TLL1: variants seen among roughly 807,000 people sequenced by gnomAD.
TLL1 encodes tolloid-like protein 1.
Under a neutral mutation model 128.2 loss-of-function variants are expected in TLL1, and 49 were observed. That is an observed-to-expected ratio of 0.38 (90% CI 0.30 to 0.48). The LOEUF is 0.48. Ranked by LOEUF, TLL1 falls within the 20% of genes least tolerant of loss-of-function variation. TLL1 has a pLI of 0.96. For synonymous variants in TLL1, 454 were observed against 418.8 expected, an observed-to-expected ratio of 1.08 and a Z score of -1.03; for missense variants, 1,123 against 1,242.0, an observed-to-expected ratio of 0.90 and a Z score of 1.44.
intron 19 of TLL1, among the ~76,000 whole-genome samples, chr4:166,098,100 A>G (rs1198945713): frequency 2.6e-5 from 4 of 151,942 alleles, no homozygotes; most frequent in African/African-American, 9.7e-5. Context: ...TTGGGAGGCT[A>G]AGGCAGGTGG....
At chr4:166,005,683 A>G (rs933062646) in intron 6 of TLL1, among the ~76,000 whole-genome samples, 1 of 151,980 alleles carries the variant, frequency 6.6e-6, no homozygotes, top group Non-Finnish European at 1.5e-5. Context: ...AATTATTTCA[A>G]CTACCACATA....
chr4:165,974,133 CTTTTTTTT>C (rs199741025), intron 1 of TLL1, among the ~76,000 whole-genome samples: 7 of 60,750 alleles, frequency 1.2e-4, no homozygotes, highest in Admixed American at 2.8e-4. Context: ...TGGACCTCAT[CTTTTTTTT>C]TTTTTTTTTT....
At chr4:165,897,662 C>CTTTTTTTTTTTTTTTTTTTTTTTTTTT (rs951819686) in intron 1 of TLL1, among the ~76,000 whole-genome samples, 8 of 47,544 alleles carry the variant, frequency 1.7e-4, no homozygotes, top group East Asian at 7.9e-4. Flanking sequence ...GGTAGTCCAG[C>CTTTTTTTTTTTTTTTTTTTTTTTTTTT]TTTTTTTTTT....
intron 7 of TLL1, among the ~76,000 whole-genome samples, chr4:166,009,738 A>G (rs57277668): frequency 0.19 from 29,122 of 151,246 alleles, 3,150 homozygotes; most frequent in East Asian, 0.38. Context: ...TTATATTTAA[A>G]TGATTTTCAG....
chr4:165,921,865 T>A (rs941239045), intron 1 of TLL1, among the ~76,000 whole-genome samples: 1 of 152,178 alleles, frequency 6.6e-6, no homozygotes, highest in Non-Finnish European at 1.5e-5. Context: ...CATCACTGCA[T>A]GTTTAGAATA....
At chr4:165,939,392 C>A (rs562041296) in intron 1 of TLL1, among the ~76,000 whole-genome samples, 1 of 152,202 alleles carries the variant, frequency 6.6e-6, no homozygotes, top group East Asian at 1.9e-4. Flanking sequence ...TTATTATATA[C>A]TTAGTGTTCC....
rs75603560 is a variant in TLL1, at chr4:166,012,437, T to C, written c.918-1999T>C. ...ATTCTGTTGTCTGAAATTGAATATA[T>C]TCTCTCCAAGATGTCATTGACCTTT... On this transcript the variant is annotated intron_variant, in intron 7 of 20. Transcript: ENST00000061240. 5.7e-3 allele frequency among the ~76,000 whole-genome samples: 868 copies of C among 151,794 alleles called. 6 individuals are homozygous for C. Among genetic ancestry groups the C allele is most frequent in the African/African-American group, 0.019 (795 of 41,524 alleles).
intron 9 of TLL1, among the ~76,000 whole-genome samples, chr4:166,033,656 A>G (rs1464991826): frequency 6.6e-6 from 1 of 152,208 alleles, no homozygotes; most frequent in Non-Finnish European, 1.5e-5. Flanking sequence ...CACATATTAT[A>G]CCACAATTTA....
At chr4:165,954,026 A>T (rs1734662040) in intron 1 of TLL1, among the ~76,000 whole-genome samples, 1 of 152,090 alleles carries the variant, frequency 6.6e-6, no homozygotes, top group Non-Finnish European at 1.5e-5. Context: ...TAATTTGGAT[A>T]TTATCTTACT....
intron 5 of TLL1, among the ~76,000 whole-genome samples, chr4:165,999,753 C>T (rs933587745): frequency 1.3e-5 from 2 of 151,914 alleles, no homozygotes; most frequent in African/African-American, 2.4e-5. Flanking sequence ...GGATTACAAG[C>T]ATGAGCCACC....
intron 1 of TLL1, among the ~76,000 whole-genome samples, chr4:165,944,819 C>T (rs1187088507): frequency 1.3e-5 from 2 of 151,958 alleles, no homozygotes; most frequent in Non-Finnish European, 2.9e-5. Flanking sequence ...TAAGGCTACA[C>T]ATTAGGGGTA....
chr4:166,018,282 A>T (rs72974343), intron 8 of TLL1, among the ~76,000 whole-genome samples: 6,751 of 152,192 alleles, frequency 0.044, 516 homozygotes, highest in African/African-American at 0.15. Context: ...TTCACCGTAT[A>T]TAACCATATA....
chr4:165,963,070 A>G (rs1205968879), intron 1 of TLL1, among the ~76,000 whole-genome samples: 1 of 150,102 alleles, frequency 6.7e-6, no homozygotes, highest in Non-Finnish European at 1.5e-5. Flanking sequence ...AAAAAAAAAA[A>G]AAAAAAAAAA....
At chr4:165,878,132 A>G (rs1318741632) in intron 1 of TLL1, among the ~76,000 whole-genome samples, 1 of 152,186 alleles carries the variant, frequency 6.6e-6, no homozygotes, top group Non-Finnish European at 1.5e-5. Context: ...ATTTCTAGGT[A>G]ACATTGCCTC....
rs869191830 is a variant in TLL1 at position 165,963,054 on chromosome 4, C to CAAAAAA, written c.170-26306_170-26301dup. ...TGGGTGACAGAGCGAGGCTCTGTCTCAAAAAAAAAAAAAAAAAAAAAAAAA... is the reference window on the plus strand; with the variant it reads ...TGGGTGACAGAGCGAGGCTCTGTCTCAAAAAAAAAAAAAAAAAAAAAAAAAAAAAAA... On this transcript the variant is annotated intron_variant, in intron 1 of 20. Coordinates refer to ENST00000061240, the MANE Select transcript of TLL1 (RefSeq NM_012464.5). 8.0e-3 allele frequency among the ~76,000 whole-genome samples: 147 copies of CAAAAAA among 18,334 alleles called. 20 individuals carry two copies. The highest frequency in any genetic ancestry group is 0.02 in the African/African-American group (139 of 6,998). The allele number at this position is 18,334 out of a possible 152,430, so 12.0% of individuals were successfully genotyped here. A position where few individuals can be genotyped will look rare whatever the true frequency, so the allele number is the denominator to read the frequency against.
At chr4:166,002,243 G>T (rs72974317) in intron 5 of TLL1, among the ~76,000 whole-genome samples, 7,261 of 152,130 alleles carry the variant, frequency 0.048, 587 homozygotes, top group African/African-American at 0.17. Flanking sequence ...TATAAAGGCA[G>T]TGATCTCTTC....
intron 12 of TLL1, among the ~76,000 whole-genome samples, chr4:166,053,616 ATTATTG>A (rs1286823074): frequency 6.6e-6 from 1 of 152,118 alleles, no homozygotes; most frequent in East Asian, 1.9e-4. Flanking sequence ...TTTGAAGACT[ATTATTG>A]TTAGTGTTTT....
chr4:166,004,131 T>C (rs76971493), intron 6 of TLL1, among the ~76,000 whole-genome samples: 2,044 of 152,182 alleles, frequency 0.013, 44 homozygotes, highest in African/African-American at 0.047. Flanking sequence ...AATTGAAATA[T>C]AATTTCTACT....
At chr4:165,944,480 T>C (rs1378200712) in intron 1 of TLL1, among the ~76,000 whole-genome samples, 1 of 152,202 alleles carries the variant, frequency 6.6e-6, no homozygotes, top group Non-Finnish European at 1.5e-5. Flanking sequence ...GTGGCAGGAC[T>C]ATGGCATGAG....
Sources: gnomAD v4.1 joint callset for allele counts (sites outside exome capture counted in the v4.1 genomes callset) on GRCh38, gnomAD v4.1.1 for gene constraint, MANE v1.5 for transcripts, NCBI Gene and HGNC (gene_info 2026-07-23, HGNC 2026-07-21) for gene names.